Variants in IL19 observed in about 807,000 individuals in gnomAD.
The protein encoded by IL19 is interleukin-19.
A neutral mutation model predicts 19.5 loss-of-function variants in IL19; 15 were observed. That is an observed-to-expected ratio of 0.77 (90% CI 0.52 to 1.19). The LOEUF (loss-of-function observed/expected upper bound fraction) is 1.19, where lower values mean the gene tolerates loss of function less well. IL19 is among the 50% of genes most tolerant of loss of function. The probability of loss-of-function intolerance (pLI) is 0.00; values close to 1 mark genes in which losing one functional copy is unlikely to be tolerated. For missense variants in IL19, 199 were observed against 213.1 expected (o/e 0.93, Z 0.41); for synonymous variants, 78 against 78.3 (o/e 1.00, Z 0.02).
intron 1 of IL19, among the ~76,000 whole-genome samples, chr1:206,784,172 G>A (rs1675210846): frequency 6.6e-6 from 1 of 151,982 alleles, no homozygotes; most frequent in South Asian, 2.1e-4. Context: ...TCTACTATGA[G>A]ATCCCAAACA....
chr1:206,841,943 G>A (rs929318669), intron 6 of IL19, among the ~76,000 whole-genome samples: 1 of 152,162 alleles, frequency 6.6e-6, no homozygotes, highest in Non-Finnish European at 1.5e-5. Flanking sequence ...TCAATTCCAC[G>A]CTGGCTGGCT....
chr1:206,808,440 C>A (rs1324144244), intron 2 of IL19, among the ~76,000 whole-genome samples: 1 of 151,852 alleles, frequency 6.6e-6, no homozygotes, highest in Non-Finnish European at 1.5e-5. Flanking sequence ...TGACTGTGGC[C>A]TTGAAGGAAG....
chr1:206,825,664 G>A (rs1185182887), intron 2 of IL19, among the ~76,000 whole-genome samples: 1 of 152,196 alleles, frequency 6.6e-6, no homozygotes, highest in African/African-American at 2.4e-5. Context: ...GGGCACAGAA[G>A]AATAATGTTT....
At chr1:206,833,777 G>A in intron 2 of IL19, 1 of 985,548 alleles carries the variant, frequency 1.0e-6, no homozygotes, top group African/African-American at 1.7e-5. Flanking sequence ...CAAGATGAAG[G>A]GGAAATAGAT....
At chr1:206,771,200 T>A in intron 1 of IL19, 122 bp downstream of exon 1, 1 of 1,184,350 alleles carries the variant, frequency 8.4e-7, no homozygotes, top group Non-Finnish European at 1.3e-6. Flanking sequence ...GAGCCCTTTG[T>A]AAACCCTCTG....
At chr1:206,784,239 G>A (rs1245742254) in intron 1 of IL19, among the ~76,000 whole-genome samples, 1 of 152,150 alleles carries the variant, frequency 6.6e-6, no homozygotes, top group Non-Finnish European at 1.5e-5. Context: ...GGGCTTGCCA[G>A]AGTTGTTTTT....
chr1:206,790,489 C>T (rs1675371779), intron 1 of IL19, among the ~76,000 whole-genome samples: 1 of 152,106 alleles, frequency 6.6e-6, no homozygotes, highest in South Asian at 2.1e-4. Context: ...ATGTAAAAAC[C>T]CAAGCTCGGC....
chr1:206,797,939 G>A (rs1217151302), intron 1 of IL19, among the ~76,000 whole-genome samples: 2 of 152,230 alleles, frequency 1.3e-5, no homozygotes, highest in East Asian at 1.9e-4. Flanking sequence ...ACAGGCAGAA[G>A]AAGTGGATTT....
chr1:206,794,513 C>T (rs1293186407), intron 1 of IL19, among the ~76,000 whole-genome samples: 1 of 152,154 alleles, frequency 6.6e-6, no homozygotes, highest in East Asian at 1.9e-4. Context: ...AGCTCTTATA[C>T]TATGGTTGGC....
chr1:206,799,006 G>C lies in IL19; in HGVS notation c.-3G>C. 6.2e-7 allele frequency: 1 copy of C among 1,605,000 alleles called. No homozygotes were observed. The highest frequency in any genetic ancestry group is 8.5e-7 in the Non-Finnish European group (1 of 1,171,998). ...AGTGCTTTGGGGCTCTGTTCCACGG[G>C]GTAAGTAATTTCTGCTATAGGGACC... On this transcript the variant is annotated splice_region_variant and 5_prime_UTR_variant, in exon 2 of 7. Coordinates refer to ENST00000659997, the MANE Select transcript of IL19 (RefSeq NM_153758.5).
intron 2 of IL19, 23 bp downstream of exon 2, chr1:206,799,029 A>G: frequency 6.7e-7 from 1 of 1,490,112 alleles, no homozygotes. Context: ...TGCTATAGGG[A>G]CCCTGGATGT....
intron 2 of IL19, among the ~76,000 whole-genome samples, chr1:206,808,500 C>CGTGTGTGTGTGTGT (rs36044951): frequency 5.4e-5 from 8 of 148,610 alleles, no homozygotes; most frequent in East Asian, 2.0e-4. Flanking sequence ...TGTGTGTGTG[C>CGTGTGTGTGTGTGT]GTGTGTGTGT....
chr1:206,789,135 T>C (rs1028757330), intron 1 of IL19, among the ~76,000 whole-genome samples: 9 of 152,250 alleles, frequency 5.9e-5, no homozygotes, highest in African/African-American at 1.9e-4. Context: ...TAGAGAGGAC[T>C]GACTGGAAAG....
rs1361927306 is a variant in IL19 at position 206,782,121 on chromosome 1, T to A, written c.-149+11043T>A. Among the ~76,000 whole-genome samples the A allele has an allele frequency of 2.0e-5, 3 of 151,096 alleles. No homozygotes were observed. In the East Asian group the frequency reaches 5.8e-4, roughly 29 times the overall value. ...CTGATAAATTTTTAAAAATACCTCC[T>A]ATGACATCTTTTTAAAGTCATAAAC... is the stretch of plus-strand genomic sequence containing the variant. On this transcript the variant is annotated intron_variant, in intron 1 of 6. Transcript: ENST00000659997.
intron 2 of IL19, among the ~76,000 whole-genome samples, chr1:206,831,426 T>C (rs1009254176): frequency 5.3e-5 from 8 of 152,222 alleles, no homozygotes; most frequent in Admixed American, 1.3e-4. Flanking sequence ...AGATTCATAA[T>C]TGAATTGCAA....
At chr1:206,838,810 C>T (rs1676895923) in intron 4 of IL19, among the ~76,000 whole-genome samples, 1 of 148,868 alleles carries the variant, frequency 6.7e-6, no homozygotes, top group Non-Finnish European at 1.5e-5. Context: ...CTCTCTCCTT[C>T]CCTTCCTTTC....
chr1:206,827,844 C>T (rs1030037661), intron 2 of IL19, among the ~76,000 whole-genome samples: 4 of 152,218 alleles, frequency 2.6e-5, no homozygotes, highest in African/African-American at 7.2e-5. Context: ...TATGACTGCA[C>T]GCAGCTGTAC....
At chr1:206,791,963 G>T (rs1675418152) in intron 1 of IL19, among the ~76,000 whole-genome samples, 2 of 152,138 alleles carry the variant, frequency 1.3e-5, no homozygotes, top group South Asian at 4.1e-4. Flanking sequence ...CTGTGGGTGG[G>T]GAGGCCCTGG....
chr1:206,831,046 TC>T lies in IL19; in HGVS notation c.-2-5612del, dbSNP rs374521358. 4.0e-3 allele frequency among the ~76,000 whole-genome samples: 605 copies of T among 152,260 alleles called. 1 individual carries two copies. The highest frequency in any genetic ancestry group is 6.2e-3 in the Non-Finnish European group (423 of 68,014). On this transcript the variant is annotated intron_variant, in intron 2 of 6. Transcript: ENST00000659997. ...ATTGCTCAAGTCCATGGAGCCTCATTCCCACAGAAGGCAATAGGCATGGTAC... is the reference window on the plus strand; with the variant it reads ...ATTGCTCAAGTCCATGGAGCCTCATTCCACAGAAGGCAATAGGCATGGTAC...
Sources: allele counts gnomAD v4.1 joint callset (sites outside exome capture counted in the v4.1 genomes callset), GRCh38; gene constraint gnomAD v4.1.1; transcripts MANE v1.5; gene names NCBI Gene and HGNC (gene_info 2026-07-23, HGNC 2026-07-21).